AASS: variants seen among roughly 807,000 people sequenced by gnomAD.
The protein encoded by AASS is aminoadipate-semialdehyde synthase, also known as alpha-aminoadipic semialdehyde synthase, mitochondrial.
Under a neutral mutation model 105.4 loss-of-function variants are expected in AASS, and 86 were observed. The ratio of observed to expected loss-of-function variants is 0.82; its 90% CI spans 0.69 to 0.98. The LOEUF (loss-of-function observed/expected upper bound fraction) is 0.98. Ranked by LOEUF, AASS falls within the 50% of genes least tolerant of loss-of-function variation. The pLI is 0.00. For synonymous variants in AASS, 381 were observed against 394.8 expected (o/e 0.96, Z 0.41); for missense variants, 1,048 against 1,143.2 (o/e 0.92, Z 1.20).
At chr7:122,139,944 T>G (rs1796309578) in intron 1 of AASS, among the ~76,000 whole-genome samples, 1 of 126,478 alleles carries the variant, frequency 7.9e-6, no homozygotes, top group South Asian at 2.6e-4. Context: ...AAAGTGAGAC[T>G]GTCTCAAACA....
chr7:122,100,593 AT>A (rs886934469), intron 13 of AASS, among the ~76,000 whole-genome samples: 2 of 151,060 alleles, frequency 1.3e-5, no homozygotes, highest in Admixed American at 1.3e-4. Flanking sequence ...CAGTTGTGTT[AT>A]TTTTTTTTCC....
At chr7:122,101,208 C>T (rs1362348587) in intron 13 of AASS, among the ~76,000 whole-genome samples, 163 bp downstream of exon 13, 2 of 151,866 alleles carry the variant, frequency 1.3e-5, no homozygotes, top group Admixed American at 6.6e-5. Flanking sequence ...ACAGTGGTTT[C>T]AGCCAGCCAC....
rs1793175933 is a variant in AASS, at chr7:122,078,964, G to A, written c.2397-14C>T. On this transcript the variant is annotated splice_polypyrimidine_tract_variant and intron_variant, in intron 21 of 23. Coordinates refer to ENST00000417368, the MANE Select transcript of AASS (RefSeq NM_005763.4). ...AGTAAGCCCAACCTGAAAAGCACAG[G>A]AGATGGCTGCATTAGTTCAAGTCCT... The A allele has an allele frequency of 1.2e-6, 2 of 1,613,978 alleles. No homozygotes were observed. Among genetic ancestry groups the A allele is most frequent in the African/African-American group, 1.3e-5 (1 of 74,932 alleles).
chr7:122,086,031 C>A lies in AASS; in HGVS notation c.2165G>T (p.Arg722Leu). ...YGISSAHTLL[R>L]GTLRYKGYMK... is the part of the protein sequence containing the mutation. The stretch of plus-strand genomic sequence containing the variant: ...GCTTACCTTATATCTCAGTGTCCCC[C>A]GCAACAAAGTGTGAGCAGAAGAAAT... The change falls in exon 19 of 24, where the codon CGG becomes CTG. Residue 722 changes from arginine to leucine, a missense_variant. Transcript: ENST00000417368. 1 of 1,613,492 alleles carries A rather than the reference C, an allele frequency of 6.2e-7. No individual in the cohort carries two copies. The highest frequency in any genetic ancestry group is 8.5e-7 in the Non-Finnish European group (1 of 1,179,710).
At chr7:122,138,951 A>T (rs565476622) in intron 1 of AASS, among the ~76,000 whole-genome samples, 49 of 152,124 alleles carry the variant, frequency 3.2e-4, no homozygotes, top group Admixed American at 5.9e-4. Flanking sequence ...ACATGGAGTA[A>T]CCAAAGCAAA....
At chr7:122,140,545 C>T (rs189392121) in intron 1 of AASS, among the ~76,000 whole-genome samples, 1 of 141,590 alleles carries the variant, frequency 7.1e-6, no homozygotes, top group East Asian at 2.2e-4. Context: ...ATTTCTGTTA[C>T]TTCTTTTGGG....
Position 122,074,996 on chromosome 7 carries a change from C to T in AASS, c.*1493G>A, listed in dbSNP as rs748298163. On this transcript the variant is annotated 3_prime_UTR_variant, in exon 24 of 24. Transcript: ENST00000417368. ...CACCTCAGCCTCTGAGTAGCTGAGA[C>T]GACAGATGAGTGTCATCACATCCAG... Among the ~76,000 whole-genome samples the T allele has an allele frequency of 1.9e-4, 29 of 152,032 alleles. No individual in the cohort carries two copies. The highest frequency in any genetic ancestry group is 7.7e-4 in the East Asian group (4 of 5,182).
At chr7:122,121,426 A>G (rs971151756) in intron 4 of AASS, among the ~76,000 whole-genome samples, 1 of 152,088 alleles carries the variant, frequency 6.6e-6, no homozygotes, top group Non-Finnish European at 1.5e-5. Flanking sequence ...CAGTTAACTC[A>G]CTTTGTCACC....
intron 1 of AASS, among the ~76,000 whole-genome samples, chr7:122,138,902 G>C (rs938308147): frequency 3.3e-5 from 5 of 152,024 alleles, no homozygotes; most frequent in Non-Finnish European, 7.4e-5. Flanking sequence ...ATGACCATGA[G>C]CTGTCCTATG....
chr7:122,101,702 T>C, intron 11 of AASS, 22 bp from the exon 12 acceptor site: 1 of 1,596,676 alleles, frequency 6.3e-7, no homozygotes, highest in Admixed American at 1.7e-5. Context: ...ATGAGATTTG[T>C]AAGAGATAAA....
intron 15 of AASS, among the ~76,000 whole-genome samples, chr7:122,097,023 T>G (rs2150520554): frequency 6.6e-6 from 1 of 152,286 alleles, no homozygotes; most frequent in East Asian, 1.9e-4. Flanking sequence ...TGGTCATTAG[T>G]CAATTTTTTC....
chr7:122,095,509 C>A (rs1443584682), intron 15 of AASS, among the ~76,000 whole-genome samples: 1 of 151,344 alleles, frequency 6.6e-6, no homozygotes. Context: ...TAAAAACCAA[C>A]AGAAACAATA....
Position 122,107,367 on chromosome 7 carries a change from C to T in AASS, c.1279-5687G>A, listed in dbSNP as rs182571246. The stretch of plus-strand genomic sequence containing the variant: ...AGCTAAAAACAGAACTACTCTTCAA[C>T]CCAGCAATCCATTACTGGGTAATAT... On this transcript the variant is annotated intron_variant, in intron 11 of 23. Transcript: ENST00000417368. Among the ~76,000 whole-genome samples, 163 of 152,214 alleles carry T rather than the reference C, an allele frequency of 1.1e-3. 1 individual carries two copies. Among genetic ancestry groups the T allele is most frequent in the African/African-American group, 3.9e-3 (161 of 41,526 alleles).
intron 13 of AASS, 135 bp downstream of exon 13, chr7:122,101,236 C>A: frequency 1.3e-6 from 1 of 757,470 alleles, no homozygotes; most frequent in South Asian, 1.6e-5. Context: ...GGATTTCCTA[C>A]ATTTTCAAAC....
chr7:122,075,022 C>CTGTTTTTTGTTTGCTTGT lies in AASS; in HGVS notation c.*1449_*1466dup, dbSNP rs1424125566. On this transcript the variant is annotated 3_prime_UTR_variant, in exon 24 of 24. Coordinates refer to ENST00000417368, the MANE Select transcript of AASS (RefSeq NM_005763.4). Reference sequence around the variant, plus strand: ...GACAGATGAGTGTCATCACATCCAGCTGTTTTTTGTTTGCTTGTTGTTTTT... The same window carrying CTGTTTTTTGTTTGCTTGT: ...GACAGATGAGTGTCATCACATCCAGCTGTTTTTTGTTTGCTTGTTGTTTTTTGTTTGCTTGTTGTTTTT... Among the ~76,000 whole-genome samples the CTGTTTTTTGTTTGCTTGT allele has an allele frequency of 6.6e-6, 1 of 152,026 alleles. No homozygotes were observed. Among genetic ancestry groups the CTGTTTTTTGTTTGCTTGT allele is most frequent in the East Asian group, 1.9e-4 (1 of 5,180 alleles).
intron 10 of AASS, 80 bp from the exon 11 acceptor site, chr7:122,113,309 A>G (rs545896654): frequency 2.4e-6 from 3 of 1,247,760 alleles, no homozygotes; most frequent in Non-Finnish European, 3.5e-6. Context: ...CTACTCCACT[A>G]TATTTGCTTC....
intron 11 of AASS, among the ~76,000 whole-genome samples, chr7:122,111,265 A>C (rs980665873): frequency 6.6e-5 from 10 of 152,208 alleles, no homozygotes. Context: ...AGAAAATACC[A>C]AAACAAAATT....
At chr7:122,101,735 T>G in intron 11 of AASS, 55 bp from the exon 12 acceptor site, 3 of 1,297,434 alleles carry the variant, frequency 2.3e-6, no homozygotes, top group Non-Finnish European at 3.4e-6. Context: ...GAAGGCCTCT[T>G]GGTGTTTGTA....
chr7:122,088,014 G>A (rs1206376), intron 18 of AASS, among the ~76,000 whole-genome samples: 96,010 of 152,030 alleles, frequency 0.63, 32,254 homozygotes, highest in African/African-American at 0.89. Flanking sequence ...ATATTCATTC[G>A]TAGTTGTATT....
Sources: gnomAD v4.1 joint callset for allele counts (sites outside exome capture counted in the v4.1 genomes callset) on GRCh38, gnomAD v4.1.1 for gene constraint, MANE v1.5 for transcripts, NCBI Gene and HGNC (gene_info 2026-07-23, HGNC 2026-07-21) for gene names.